WDFY2: variants seen among roughly 807,000 people sequenced by gnomAD.
The protein encoded by WDFY2 is WD repeat and FYVE domain containing 2.
WDFY2 carries 36 observed loss-of-function variants against 56.4 expected under a neutral mutation model. That is an observed-to-expected ratio of 0.64 (90% CI 0.49 to 0.84). The LOEUF is 0.84. WDFY2 is among the 40% of genes least tolerant of loss of function. The pLI is 0.00. For synonymous variants in WDFY2, 176 were observed against 183.7 expected, an observed-to-expected ratio of 0.96 and a Z score of 0.34; for missense variants, 444 against 512.2, an observed-to-expected ratio of 0.87 and a Z score of 1.29.
chr13:51,754,090 CAAA>C (rs34329123), intron 8 of WDFY2, among the ~76,000 whole-genome samples: 16 of 100,568 alleles, frequency 1.6e-4, no homozygotes, highest in Admixed American at 3.0e-4. Context: ...AAGGCTGTCT[CAAA>C]AAAAAAAAAA....
intron 11 of WDFY2, 77 bp from the exon 12 acceptor site, chr13:51,759,663 T>G (rs1257245462): frequency 6.9e-7 from 1 of 1,449,948 alleles, no homozygotes; most frequent in African/African-American, 1.4e-5. Context: ...AAAAATTTCC[T>G]TGAAGAATTC....
At chr13:51,708,272 C>G (rs1364416871) in intron 4 of WDFY2, among the ~76,000 whole-genome samples, 4 of 151,272 alleles carry the variant, frequency 2.6e-5, no homozygotes, top group African/African-American at 9.7e-5. Flanking sequence ...GTGGAGGATC[C>G]TTTCAGCCCA....
chr13:51,608,267 C>T (rs1202130716), intron 1 of WDFY2, among the ~76,000 whole-genome samples: 1 of 152,160 alleles, frequency 6.6e-6, no homozygotes, highest in East Asian at 1.9e-4. Flanking sequence ...TGGTTATTGG[C>T]CAGGAATTCA....
At chr13:51,636,672 A>G (rs759295626) in intron 1 of WDFY2, among the ~76,000 whole-genome samples, 2 of 152,246 alleles carry the variant, frequency 1.3e-5, no homozygotes, top group Non-Finnish European at 2.9e-5. Flanking sequence ...GTCCTCTGTC[A>G]TCTGACAGAA....
In WDFY2 at chr13:51,618,857, A is replaced by G. The variant is rs888125589; in HGVS notation, c.137+34033A>G. On this transcript the variant is annotated intron_variant, in intron 1 of 11. Transcript: ENST00000298125. Reference sequence around the variant, plus strand: ...AGAGTCCTTCTCCCTGCCTTTTGCCATTGTGAATAGTGGAGGAGGGTGTGT... The same window carrying G: ...AGAGTCCTTCTCCCTGCCTTTTGCCGTTGTGAATAGTGGAGGAGGGTGTGT... Among the ~76,000 whole-genome samples, 15 of 152,316 alleles carry G rather than the reference A, an allele frequency of 9.8e-5. 1 individual carries two copies. The South Asian group carries it at 3.1e-3, about 32-fold the overall frequency.
Position 51,760,123 on chromosome 13 carries a change from G to T in WDFY2, c.*354G>T. On this transcript the variant is annotated 3_prime_UTR_variant, in exon 12 of 12. Transcript: ENST00000298125. ...GTTGCTTTGTCAGAGAAATAAGGGA[G>T]GTATCTACTCAGAGTATTTTGGTCA... is the stretch of plus-strand genomic sequence containing the variant. The T allele has an allele frequency of 4.8e-6, 1 of 206,978 alleles. No homozygotes were observed. The highest frequency in any genetic ancestry group is 5.4e-5 in the Admixed American group (1 of 18,368). 12.8% of individuals were successfully genotyped at this position (206,978 alleles called of 1,614,324 possible). A position where few individuals can be genotyped will look rare whatever the true frequency, so the allele number is the denominator to read the frequency against.
chr13:51,758,268 T>C lies in WDFY2; in HGVS notation c.1141T>C (p.Leu381=). The C allele has an allele frequency of 1.3e-6, 2 of 1,599,932 alleles. No individual in the cohort carries two copies. The highest frequency in any genetic ancestry group is 1.7e-6 in the Non-Finnish European group (2 of 1,169,102). Residue 381 remains leucine (L), a synonymous_variant, in exon 11 of 12, where the codon TTA becomes CTA. Transcript: ENST00000298125. ...GCATTTCGATGCAACCAGAGGATGG[T>C]TACTGACTTCTGGAACTGACAAGGT... is the stretch of plus-strand genomic sequence containing the variant. ...HVHFDATRGW[L]LTSGTDKVIK... is the part of the protein sequence containing the mutation.
At chr13:51,679,994 A>G (rs914995874) in intron 3 of WDFY2, among the ~76,000 whole-genome samples, 6 of 152,166 alleles carry the variant, frequency 3.9e-5, no homozygotes, top group Non-Finnish European at 8.8e-5. Flanking sequence ...GTGCTATAAT[A>G]GCTCACTGCA....
intron 7 of WDFY2, among the ~76,000 whole-genome samples, chr13:51,749,873 A>T (rs924147030): frequency 6.6e-6 from 1 of 152,208 alleles, no homozygotes; most frequent in East Asian, 1.9e-4. Context: ...ATTGCTATTC[A>T]TATAAAAAGT....
At chr13:51,655,077 A>C (rs1450008040) in intron 1 of WDFY2, among the ~76,000 whole-genome samples, 1 of 152,162 alleles carries the variant, frequency 6.6e-6, no homozygotes, top group Non-Finnish European at 1.5e-5. Flanking sequence ...TAATTAATTT[A>C]ATTAGCTTCA....
chr13:51,629,980 CT>C (rs1374734783), intron 1 of WDFY2, among the ~76,000 whole-genome samples: 1 of 152,028 alleles, frequency 6.6e-6, no homozygotes, highest in Non-Finnish European at 1.5e-5. Flanking sequence ...TTCCTAACTA[CT>C]TCTTCTTTGA....
chr13:51,685,020 T>C (rs913643211), intron 3 of WDFY2, among the ~76,000 whole-genome samples: 4 of 152,150 alleles, frequency 2.6e-5, no homozygotes, highest in Admixed American at 6.6e-5. Flanking sequence ...GTCACAACTT[T>C]CCCACCAAAC....
rs75377295 is a variant in WDFY2, at chr13:51,612,762, T to C, written c.137+27938T>C. On this transcript the variant is annotated intron_variant, in intron 1 of 11. Transcript: ENST00000298125. ...TTATGTTCTGTGCATTGTCCTTCTT[T>C]GTTGACTTTCTTCTCTGTTTTCTAC... Among the ~76,000 whole-genome samples, 853 of 152,348 alleles carry C rather than the reference T, an allele frequency of 5.6e-3. 6 individuals carry two copies. Among genetic ancestry groups the C allele is most frequent in the African/African-American group, 0.019 (799 of 41,572 alleles).
At chr13:51,668,406 T>C (rs1047495338) in intron 2 of WDFY2, among the ~76,000 whole-genome samples, 35 of 152,164 alleles carry the variant, frequency 2.3e-4, no homozygotes, top group Middle Eastern at 3.2e-3. Context: ...TCAGCCTAGA[T>C]GAAAAGAAAA....
intron 1 of WDFY2, among the ~76,000 whole-genome samples, chr13:51,649,783 G>A (rs1036198335): frequency 6.6e-6 from 1 of 152,088 alleles, no homozygotes; most frequent in African/African-American, 2.4e-5. Context: ...CTATATCTCT[G>A]TTTTGGTACC....
rs143917910 is a variant in WDFY2, at chr13:51,662,190, C to T, written c.205+1527C>T. Among the ~76,000 whole-genome samples the T allele has an allele frequency of 7.2e-3, 1,103 of 152,226 alleles. 14 individuals are homozygous for T. Among genetic ancestry groups the T allele is most frequent in the African/African-American group, 0.023 (947 of 41,540 alleles). On this transcript the variant is annotated intron_variant, in intron 2 of 11. Coordinates refer to ENST00000298125, the MANE Select transcript of WDFY2 (RefSeq NM_052950.4). ...TTCACCATGTTAGCCAGGCTGGTTT[C>T]GAACTCCTGACCTCAGGTAACCCAC...
chr13:51,677,524 T>C (rs1955908312), intron 3 of WDFY2, among the ~76,000 whole-genome samples: 1 of 152,206 alleles, frequency 6.6e-6, no homozygotes, highest in Non-Finnish European at 1.5e-5. Context: ...ATATTCTGTT[T>C]CCTGGTTATA....
Position 51,761,873 on chromosome 13 carries a change from C to G in WDFY2, c.*2104C>G, listed in dbSNP as rs970681566. On this transcript the variant is annotated 3_prime_UTR_variant, in exon 12 of 12. Coordinates refer to ENST00000298125, the MANE Select transcript of WDFY2 (RefSeq NM_052950.4). ...GACCGGAGCTCTGAAGAGGCACACA[C>G]GCATGCCCCGCACAGGCTGTTAGCA... 1 of 152,216 alleles carries G rather than the reference C, an allele frequency of 6.6e-6. No homozygotes were observed. The highest frequency in any genetic ancestry group is 1.5e-5 in the Non-Finnish European group (1 of 68,054). The allele number at this position is 152,216 out of a possible 1,614,324, so 9.4% of individuals were successfully genotyped here. A position where few individuals can be genotyped will look rare whatever the true frequency, so the allele number is the denominator to read the frequency against.
intron 1 of WDFY2, among the ~76,000 whole-genome samples, chr13:51,594,703 C>G (rs1954112692): frequency 1.3e-5 from 2 of 152,204 alleles, no homozygotes; most frequent in South Asian, 4.1e-4. Flanking sequence ...TTGGCTCTTT[C>G]CAAAGCCTTA....
Sources: allele counts gnomAD v4.1 joint callset (sites outside exome capture counted in the v4.1 genomes callset), GRCh38; gene constraint gnomAD v4.1.1; transcripts MANE v1.5; gene names NCBI Gene and HGNC (gene_info 2026-07-23, HGNC 2026-07-21).